XKR4: variants seen among roughly 807,000 people sequenced by gnomAD.
XKR4 encodes XK-related protein 4.
In XKR4, 12 loss-of-function variants were observed where a neutral mutation model predicts 53.9. The ratio of observed to expected loss-of-function variants is 0.22; its 90% CI spans 0.14 to 0.36. The LOEUF (loss-of-function observed/expected upper bound fraction) is 0.36. Among genes scored for constraint, XKR4 ranks in the 10% least tolerant of loss-of-function variants. The pLI is 1.00. For missense variants in XKR4, 799 were observed against 859.5 expected (o/e 0.93, Z 0.88); for synonymous variants, 354 against 362.4 (o/e 0.98, Z 0.26).
At chr8:55,449,670 C>G (rs752479365) in intron 2 of XKR4, 13 of 893,546 alleles carry the variant, frequency 1.5e-5, no homozygotes, top group Non-Finnish European at 2.3e-5. Flanking sequence ...CCAGGTGCCA[C>G]AGCCTCCACC....
intron 2 of XKR4, among the ~76,000 whole-genome samples, chr8:55,457,812 CAGTT>C (rs1278722829): frequency 2.6e-5 from 4 of 152,242 alleles, no homozygotes; most frequent in Middle Eastern, 3.4e-3. Context: ...CATACACACA[CAGTT>C]AGGTTTATGG....
chr8:55,302,926 A>G (rs142850024), intron 1 of XKR4, among the ~76,000 whole-genome samples: 2 of 152,328 alleles, frequency 1.3e-5, no homozygotes, highest in African/African-American at 4.8e-5. Flanking sequence ...TAAATATACA[A>G]TCATGCCATC....
At chr8:55,323,430 T>C (rs1442621086) in intron 1 of XKR4, among the ~76,000 whole-genome samples, 1 of 152,246 alleles carries the variant, frequency 6.6e-6, no homozygotes, top group Non-Finnish European at 1.5e-5. Context: ...GAATGTCATA[T>C]AAATGGAATC....
At chr8:55,223,401 G>A (rs1218787569) in intron 1 of XKR4, among the ~76,000 whole-genome samples, 1 of 152,128 alleles carries the variant, frequency 6.6e-6, no homozygotes, top group Non-Finnish European at 1.5e-5. Flanking sequence ...GGGACACTGT[G>A]GAAACTTACA....
chr8:55,340,860 G>A (rs1438332088), intron 1 of XKR4, among the ~76,000 whole-genome samples: 2 of 152,186 alleles, frequency 1.3e-5, no homozygotes, highest in African/African-American at 2.4e-5. Flanking sequence ...GGGACATGAA[G>A]GACCAGGGAG....
Position 55,534,147 on chromosome 8 carries a change from T to C in XKR4, c.*9920T>C, listed in dbSNP as rs1021924385. On this transcript the variant is annotated 3_prime_UTR_variant, in exon 3 of 3. Transcript: ENST00000327381. Reference sequence around the variant, plus strand: ...TTTCTTGAGACTACCATTGTCAGCATTGTAATAACCAATTTATAAAAATTG... The same window carrying C: ...TTTCTTGAGACTACCATTGTCAGCACTGTAATAACCAATTTATAAAAATTG... 2.0e-5 allele frequency: 3 copies of C among 152,230 alleles called. No homozygotes were observed. In the South Asian group the frequency reaches 6.2e-4, roughly 32 times the overall value. The allele number at this position is 152,230 out of a possible 1,614,324, so 9.4% of individuals were successfully genotyped here.
At chr8:55,447,969 C>T (rs372700333) in intron 2 of XKR4, among the ~76,000 whole-genome samples, 6 of 152,248 alleles carry the variant, frequency 3.9e-5, no homozygotes, top group East Asian at 3.9e-4. Flanking sequence ...TGTCAGTTGG[C>T]GAGTGAATGA....
chr8:55,147,648 T>C (rs1816789316), intron 1 of XKR4, among the ~76,000 whole-genome samples: 1 of 152,188 alleles, frequency 6.6e-6, no homozygotes, highest in South Asian at 2.1e-4. Flanking sequence ...GCTTGAAATG[T>C]AGTGCGTATT....
At chr8:55,198,466 T>C (rs1035006279) in intron 1 of XKR4, among the ~76,000 whole-genome samples, 4 of 151,944 alleles carry the variant, frequency 2.6e-5, no homozygotes, top group Admixed American at 6.6e-5. Flanking sequence ...ATAAATATAA[T>C]GTTATAAATA....
chr8:55,134,091 C>G (rs1816593408), intron 1 of XKR4, among the ~76,000 whole-genome samples: 1 of 152,226 alleles, frequency 6.6e-6, no homozygotes, highest in Non-Finnish European at 1.5e-5. Flanking sequence ...CTGTTTATAA[C>G]AGCTAATTAC....
rs374724622 is a variant in XKR4, at chr8:55,431,231, GA to G, written c.1006+73356del. 4.0e-3 allele frequency among the ~76,000 whole-genome samples: 606 copies of G among 152,268 alleles called. 4 individuals carry two copies. The highest frequency in any genetic ancestry group is 0.014 in the African/African-American group (563 of 41,554). ...TTCCCTGAGATAAAACAAAATGTCA[GA>G]AGAGGGAAAAAATATCTAAGTGCCT... On this transcript the variant is annotated intron_variant, in intron 2 of 2. Coordinates refer to ENST00000327381, the MANE Select transcript of XKR4 (RefSeq NM_052898.2).
chr8:55,364,052 G>T (rs976842323), intron 2 of XKR4, among the ~76,000 whole-genome samples: 2 of 152,150 alleles, frequency 1.3e-5, no homozygotes, highest in Non-Finnish European at 2.9e-5. Context: ...TCAATAATTT[G>T]GTTTAATTAG....
chr8:55,121,262 G>C (rs1035679536), intron 1 of XKR4, among the ~76,000 whole-genome samples: 3 of 152,186 alleles, frequency 2.0e-5, no homozygotes, highest in Admixed American at 2.0e-4. Flanking sequence ...TATATGGGAA[G>C]AGTGCATTTA....
intron 1 of XKR4, among the ~76,000 whole-genome samples, chr8:55,132,144 T>C (rs1816564712): frequency 6.6e-6 from 1 of 152,242 alleles, no homozygotes; most frequent in Non-Finnish European, 1.5e-5. Context: ...TTATTGAGCT[T>C]GTATCATGCA....
At chr8:55,111,781 A>T (rs1480761) in intron 1 of XKR4, among the ~76,000 whole-genome samples, 19 of 152,070 alleles carry the variant, frequency 1.2e-4, no homozygotes, top group Admixed American at 9.8e-4. Flanking sequence ...ACAACGCTTC[A>T]CAGGCTTGAA....
chr8:55,133,883 T>A (rs147466354), intron 1 of XKR4, among the ~76,000 whole-genome samples: 1 of 152,288 alleles, frequency 6.6e-6, no homozygotes, highest in East Asian at 1.9e-4. Context: ...TTCTGGGAAA[T>A]ACAGCAAAGT....
In XKR4 at chr8:55,534,363, C is replaced by CG. The variant is rs1418801179; in HGVS notation, c.*10136_*10137insG. 1 of 47,134 alleles carries CG rather than the reference C, an allele frequency of 2.1e-5. No individual in the cohort carries two copies. The highest frequency in any genetic ancestry group is 3.8e-5 in the Non-Finnish European group (1 of 26,632). The allele number at this position is 47,134 out of a possible 1,614,324, so 2.9% of individuals were successfully genotyped here. A position where few individuals can be genotyped will look rare whatever the true frequency, so the allele number is the denominator to read the frequency against. ...GCTCAAAGATCACGAATCTGATATT[C>CG]TTTTTTTTTTTTTTTTTTTTTTTTT... is the stretch of plus-strand genomic sequence containing the variant. On this transcript the variant is annotated 3_prime_UTR_variant, in exon 3 of 3. Transcript: ENST00000327381.
intron 1 of XKR4, among the ~76,000 whole-genome samples, chr8:55,257,462 G>C (rs1818453129): frequency 6.6e-6 from 1 of 151,818 alleles, no homozygotes; most frequent in Non-Finnish European, 1.5e-5. Context: ...GAGAGAGAGA[G>C]AGAAAGAGAG....
chr8:55,415,889 T>C (rs1465342198), intron 2 of XKR4, among the ~76,000 whole-genome samples: 1 of 152,198 alleles, frequency 6.6e-6, no homozygotes, highest in Non-Finnish European at 1.5e-5. Flanking sequence ...TGGCGTAAAG[T>C]AGCCTTATGG....
Sources: gnomAD v4.1 joint callset for allele counts (sites outside exome capture counted in the v4.1 genomes callset) on GRCh38, gnomAD v4.1.1 for gene constraint, MANE v1.5 for transcripts, NCBI Gene and HGNC (gene_info 2026-07-23, HGNC 2026-07-21) for gene names.